The following CNTNAP2 variants were observed in gnomAD, a reference collection of about 807,000 sequenced individuals.
The protein encoded by CNTNAP2 is contactin associated protein 2, also known as contactin-associated protein-like 2.
In CNTNAP2, 98 loss-of-function variants were observed where a neutral mutation model predicts 155.2. The ratio of observed to expected loss-of-function variants is 0.63; its 90% CI spans 0.54 to 0.75. The LOEUF (loss-of-function observed/expected upper bound fraction) is 0.75. Ranked by LOEUF, CNTNAP2 falls within the 30% of genes least tolerant of loss-of-function variation. The pLI is 0.00. For synonymous variants in CNTNAP2, 651 were observed against 631.2 expected (o/e 1.03, Z -0.47); for missense variants, 1,727 against 1,688.1 (o/e 1.02, Z -0.40).
chr7:146,370,157 C>T (rs1465921101), intron 1 of CNTNAP2, among the ~76,000 whole-genome samples: 2 of 147,728 alleles, frequency 1.4e-5, no homozygotes, highest in Non-Finnish European at 3.0e-5. Flanking sequence ...AGGTGGCTTA[C>T]GACTGTAATC....
chr7:147,004,212 C>CAAAAA (rs71525979), intron 3 of CNTNAP2, among the ~76,000 whole-genome samples: 8 of 97,726 alleles, frequency 8.2e-5, no homozygotes, highest in African/African-American at 2.2e-4. Flanking sequence ...ACTCATATAC[C>CAAAAA]AAAAAAAAAA....
chr7:147,791,454 T>TC (rs1491307464), intron 13 of CNTNAP2, among the ~76,000 whole-genome samples: 174 of 60,236 alleles, frequency 2.9e-3, no homozygotes, highest in African/African-American at 7.8e-3. Context: ...TCTCTCTCTC[T>TC]TTTTTTTTTT....
intron 14 of CNTNAP2, among the ~76,000 whole-genome samples, chr7:147,972,471 G>A (rs75874204): frequency 0.034 from 5,208 of 152,148 alleles, 153 homozygotes; most frequent in South Asian, 0.13. Context: ...TAAACTGCCT[G>A]GAGGCTTCTT....
At chr7:147,834,912 G>C (rs1297185310) in intron 13 of CNTNAP2, among the ~76,000 whole-genome samples, 1 of 152,164 alleles carries the variant, frequency 6.6e-6, no homozygotes, top group Non-Finnish European at 1.5e-5. Context: ...GTACAGAGGT[G>C]CTTGTTTTAT....
chr7:147,495,162 T>C (rs1798680387), intron 11 of CNTNAP2, among the ~76,000 whole-genome samples: 1 of 152,004 alleles, frequency 6.6e-6, no homozygotes, highest in Non-Finnish European at 1.5e-5. Flanking sequence ...TCAAGGCAAG[T>C]GTGTATGATA....
intron 8 of CNTNAP2, among the ~76,000 whole-genome samples, chr7:147,138,553 G>A (rs577534574): frequency 8.6e-5 from 13 of 151,912 alleles, no homozygotes; most frequent in African/African-American, 1.9e-4. Context: ...ACTATCATGC[G>A]AACTGAGTGG....
At chr7:147,316,908 G>C (rs1350838075) in intron 9 of CNTNAP2, among the ~76,000 whole-genome samples, 1 of 152,016 alleles carries the variant, frequency 6.6e-6, no homozygotes. Flanking sequence ...ATTGCAATGG[G>C]GATAAAATAT....
At chr7:146,976,583 G>C (rs1797915820) in intron 3 of CNTNAP2, among the ~76,000 whole-genome samples, 1 of 152,182 alleles carries the variant, frequency 6.6e-6, no homozygotes, top group Non-Finnish European at 1.5e-5. Flanking sequence ...GAGATGTCTA[G>C]GGTGAGGTAT....
At chr7:147,825,161 T>C (rs1000018664) in intron 13 of CNTNAP2, among the ~76,000 whole-genome samples, 41 of 152,208 alleles carry the variant, frequency 2.7e-4, no homozygotes, top group Admixed American at 2.7e-3. Context: ...ACAAAAATAA[T>C]TCTTGTTTCA....
chr7:146,571,740 T>C (rs1053188627), intron 1 of CNTNAP2, among the ~76,000 whole-genome samples: 35 of 151,696 alleles, frequency 2.3e-4, no homozygotes, highest in South Asian at 1.5e-3. Context: ...CTTTCTTTTT[T>C]TTTTTTTTTG....
intron 13 of CNTNAP2, among the ~76,000 whole-genome samples, chr7:147,832,612 A>G (rs147992677): frequency 0.032 from 4,717 of 145,900 alleles, 124 homozygotes; most frequent in Non-Finnish European, 0.052. Context: ...TCAATATATT[A>G]TATTTTTATA....
intron 10 of CNTNAP2, among the ~76,000 whole-genome samples, chr7:147,481,669 G>T (rs1323187917): frequency 2.0e-5 from 3 of 152,198 alleles, no homozygotes; most frequent in Non-Finnish European, 2.9e-5. Flanking sequence ...TGAGTTCGAT[G>T]GAGAAGGCAG....
chr7:147,826,638 G>A (rs1798455045), intron 13 of CNTNAP2, among the ~76,000 whole-genome samples: 1 of 152,094 alleles, frequency 6.6e-6, no homozygotes, highest in African/African-American at 2.4e-5. Context: ...TATTTTATCA[G>A]AGATATCAAA....
intron 13 of CNTNAP2, among the ~76,000 whole-genome samples, chr7:147,832,682 ATAT>A (rs1429203136): frequency 2.0e-5 from 3 of 146,698 alleles, no homozygotes; most frequent in Non-Finnish European, 4.5e-5. Flanking sequence ...ATTATATTTC[ATAT>A]TATATTTCAA....
intron 15 of CNTNAP2, among the ~76,000 whole-genome samples, chr7:147,993,496 A>T (rs889579454): frequency 3.3e-5 from 5 of 152,204 alleles, no homozygotes. Context: ...GCTTATGCTG[A>T]TAATCCCCAA....
At chr7:148,240,193 G>T (rs2116797110) in intron 20 of CNTNAP2, among the ~76,000 whole-genome samples, 1 of 152,278 alleles carries the variant, frequency 6.6e-6, no homozygotes, top group South Asian at 2.1e-4. Context: ...AAGAAATTTG[G>T]ATAGATAATG....
At chr7:147,480,642 T>C (rs1161073486) in intron 10 of CNTNAP2, among the ~76,000 whole-genome samples, 1 of 152,212 alleles carries the variant, frequency 6.6e-6, no homozygotes, top group Non-Finnish European at 1.5e-5. Context: ...GGAGGACCTA[T>C]GGAAAAGCAG....
chr7:146,952,322 A>G (rs1797333441), intron 3 of CNTNAP2, among the ~76,000 whole-genome samples: 1 of 152,200 alleles, frequency 6.6e-6, no homozygotes, highest in Non-Finnish European at 1.5e-5. Flanking sequence ...AGCCAATATC[A>G]TACTGAATGG....
intron 15 of CNTNAP2, among the ~76,000 whole-genome samples, chr7:148,034,090 T>C (rs1283925763): frequency 6.6e-6 from 1 of 152,196 alleles, no homozygotes; most frequent in Non-Finnish European, 1.5e-5. Flanking sequence ...CTGCTCCTGG[T>C]ACCATTATTA....
Sources: allele counts gnomAD v4.1 joint callset (sites outside exome capture counted in the v4.1 genomes callset), GRCh38; gene constraint gnomAD v4.1.1; transcripts MANE v1.5; gene names NCBI Gene and HGNC (gene_info 2026-07-23, HGNC 2026-07-21).